The following MARCHF1 variants were observed in gnomAD, a reference collection of about 807,000 sequenced individuals.
MARCHF1 encodes the protein E3 ubiquitin-protein ligase MARCHF1.
A neutral mutation model predicts 54.2 loss-of-function variants in MARCHF1; 40 were observed. The ratio of observed to expected loss-of-function variants is 0.74; its 90% CI spans 0.57 to 0.96. The LOEUF is 0.96. Among genes scored for constraint, MARCHF1 ranks in the 40% least tolerant of loss-of-function variants. The probability of loss-of-function intolerance (pLI) is 0.00; values close to 1 mark genes in which losing one functional copy is unlikely to be tolerated. For missense variants in MARCHF1, 586 were observed against 656.5 expected, an observed-to-expected ratio of 0.89 and a Z score of 1.17; for synonymous variants, 236 against 236.3, an observed-to-expected ratio of 1.00 and a Z score of 0.01.
intron 3 of MARCHF1, among the ~76,000 whole-genome samples, chr4:163,911,227 A>G (rs570184481): frequency 6.6e-6 from 1 of 152,228 alleles, no homozygotes; most frequent in Admixed American, 6.5e-5. Context: ...TCTTCAGAGG[A>G]TGGGGTGATT....
chr4:163,828,054 C>CACACACACACACACAG lies in MARCHF1; in HGVS notation c.111+25966_111+25967insCTGTGTGTGTGTGTGT, dbSNP rs774603753. ...ACACACACACACACACACACACACACAGACACACCTTGTCATTCTCCTCCT... is the reference window on the plus strand; with the variant it reads ...ACACACACACACACACACACACACACACACACACACACACAGAGACACACCTTGTCATTCTCCTCCT... On this transcript the variant is annotated intron_variant, in intron 4 of 9. Coordinates refer to ENST00000514618, the MANE Select transcript of MARCHF1 (RefSeq NM_001394959.1). 2.9e-4 allele frequency among the ~76,000 whole-genome samples: 43 copies of CACACACACACACACAG among 148,312 alleles called. No homozygotes were observed. In the East Asian group the frequency reaches 4.1e-3, roughly 14 times the overall value.
chr4:163,528,931 C>T lies in MARCHF1; in HGVS notation c.1455G>A (p.Leu485=), dbSNP rs78698798. ...CAAAGATCACACGGTTGTAGGCCTT[C>T]AGCCTGCGCCACAACTGAACATAGA... The part of the protein sequence containing the change: ...CKVYVQLWRR[L]KAYNRVIFVQ... Residue 485 remains leucine, a synonymous_variant, in exon 10 of 10, where the codon CTG becomes CTA. Transcript: ENST00000514618. The T allele has an allele frequency of 0.011, 17,726 of 1,613,282 alleles. 321 individuals are homozygous for T. Among genetic ancestry groups the T allele is most frequent in the East Asian group, 0.071 (3,181 of 44,854 alleles).
chr4:163,682,900 G>A (rs914504954), intron 5 of MARCHF1, among the ~76,000 whole-genome samples: 8 of 152,072 alleles, frequency 5.3e-5, no homozygotes, highest in African/African-American at 9.7e-5. Flanking sequence ...TCTTGGGTAC[G>A]TCTTTATTAG....
chr4:164,290,812 G>A (rs544134385), intron 1 of MARCHF1, among the ~76,000 whole-genome samples: 3 of 151,898 alleles, frequency 2.0e-5, no homozygotes, highest in African/African-American at 7.2e-5. Context: ...GCCTGTGAAG[G>A]AAAGATCATG....
At chr4:164,250,480 T>G (rs1438859836) in intron 1 of MARCHF1, among the ~76,000 whole-genome samples, 1 of 152,104 alleles carries the variant, frequency 6.6e-6, no homozygotes, top group Non-Finnish European at 1.5e-5. Context: ...TTGATCTTAT[T>G]GTGTAAACTG....
intron 8 of MARCHF1, among the ~76,000 whole-genome samples, chr4:163,555,088 A>G (rs6843683): frequency 0.76 from 115,821 of 152,136 alleles, 44,367 homozygotes; most frequent in East Asian, 0.92. Flanking sequence ...TAATGATGAT[A>G]TGAATGGAAA....
intron 3 of MARCHF1, among the ~76,000 whole-genome samples, chr4:163,873,174 C>T (rs573407136): frequency 3.3e-5 from 5 of 152,218 alleles, no homozygotes; most frequent in South Asian, 2.1e-4. Flanking sequence ...TGAACAATCT[C>T]TCTCTTTCCA....
intron 3 of MARCHF1, among the ~76,000 whole-genome samples, chr4:163,967,991 A>G (rs978554744): frequency 6.6e-6 from 1 of 152,120 alleles, no homozygotes; most frequent in Non-Finnish European, 1.5e-5. Flanking sequence ...ATCCAAAACC[A>G]TCTTCTAAAA....
chr4:163,964,216 T>C (rs1752397247), intron 3 of MARCHF1, among the ~76,000 whole-genome samples: 1 of 152,020 alleles, frequency 6.6e-6, no homozygotes. Context: ...TTGTTAGCTG[T>C]TAATTTATGT....
At chr4:163,560,403 A>G (rs1739431186) in intron 8 of MARCHF1, among the ~76,000 whole-genome samples, 1 of 152,192 alleles carries the variant, frequency 6.6e-6, no homozygotes, top group South Asian at 2.1e-4. Flanking sequence ...CTTAACAACT[A>G]TACTACCCTG....
At chr4:164,138,805 T>C (rs953038251) in intron 1 of MARCHF1, among the ~76,000 whole-genome samples, 3 of 152,184 alleles carry the variant, frequency 2.0e-5, no homozygotes, top group Admixed American at 6.5e-5. Context: ...AGTAAGGCTA[T>C]CTTAGAGAGA....
intron 1 of MARCHF1, chr4:164,189,429 G>T: frequency 1.5e-6 from 1 of 689,500 alleles, no homozygotes; most frequent in South Asian, 1.6e-5. Flanking sequence ...ATTCTGATTT[G>T]AAGAATTCTG....
intron 2 of MARCHF1, among the ~76,000 whole-genome samples, chr4:164,098,763 T>G (rs913337960): frequency 1.1e-4 from 16 of 152,222 alleles, no homozygotes; most frequent in Non-Finnish European, 1.2e-4. Flanking sequence ...GCTGTCTTTA[T>G]GCAATGGTTA....
At chr4:164,321,033 T>G (rs112467338) in intron 1 of MARCHF1, among the ~76,000 whole-genome samples, 2,805 of 152,262 alleles carry the variant, frequency 0.018, 80 homozygotes, top group African/African-American at 0.064. Flanking sequence ...ATACAGGGGA[T>G]CTGATACATG....
chr4:163,654,581 T>C (rs1203096146), intron 5 of MARCHF1, among the ~76,000 whole-genome samples: 3 of 151,720 alleles, frequency 2.0e-5, no homozygotes, highest in Non-Finnish European at 4.4e-5. Flanking sequence ...TTTGGGTGAA[T>C]TGTTCTCATT....
chr4:164,296,316 T>C (rs944149963), intron 1 of MARCHF1, among the ~76,000 whole-genome samples: 1 of 152,202 alleles, frequency 6.6e-6, no homozygotes. Context: ...ACTCATGGGA[T>C]AAATATTCCA....
chr4:164,311,306 G>A (rs1358042769), intron 1 of MARCHF1, among the ~76,000 whole-genome samples: 1 of 152,228 alleles, frequency 6.6e-6, no homozygotes, highest in African/African-American at 2.4e-5. Context: ...AAATAACTAT[G>A]AAGCTCAGTT....
chr4:164,335,695 A>T (rs1729718717), intron 1 of MARCHF1, among the ~76,000 whole-genome samples: 2 of 112,140 alleles, frequency 1.8e-5, no homozygotes, highest in Non-Finnish European at 3.9e-5. Context: ...CCACAAAGAG[A>T]ATTATGACTT....
chr4:164,100,788 T>G (rs1408663481), intron 2 of MARCHF1, among the ~76,000 whole-genome samples: 1 of 152,176 alleles, frequency 6.6e-6, no homozygotes, highest in Non-Finnish European at 1.5e-5. Context: ...ACAGCTCCGG[T>G]CTACAGCTCC....
Sources: allele counts gnomAD v4.1 joint callset (sites outside exome capture counted in the v4.1 genomes callset), GRCh38; gene constraint gnomAD v4.1.1; transcripts MANE v1.5; gene names NCBI Gene and HGNC (gene_info 2026-07-23, HGNC 2026-07-21).